Variants in PCDH17 observed in about 807,000 individuals in gnomAD.
The protein encoded by PCDH17 is protocadherin 17.
Under a neutral mutation model 67.7 loss-of-function variants are expected in PCDH17, and 21 were observed. The observed-to-expected ratio is 0.31, with a 90% CI of 0.22 to 0.45. PCDH17 has a LOEUF of 0.45. Ranked by LOEUF, PCDH17 falls within the 20% of genes least tolerant of loss-of-function variation. The probability of loss-of-function intolerance (pLI) is 1.00; values close to 1 mark genes in which losing one functional copy is unlikely to be tolerated. For missense variants in PCDH17, 1,471 were observed against 1,564.8 expected, an observed-to-expected ratio of 0.94 and a Z score of 1.01; for synonymous variants, 701 against 656.7, an observed-to-expected ratio of 1.07 and a Z score of -1.03.
chr13:57,723,612 G>A (rs1416241676), intron 3 of PCDH17, among the ~76,000 whole-genome samples: 1 of 152,038 alleles, frequency 6.6e-6, no homozygotes, highest in Non-Finnish European at 1.5e-5. Context: ...AAAAGTAAAA[G>A]TCTCTGATTT....
intron 3 of PCDH17, among the ~76,000 whole-genome samples, chr13:57,669,087 G>A (rs1224510939): frequency 3.3e-5 from 5 of 151,784 alleles, no homozygotes; most frequent in Admixed American, 2.0e-4. Context: ...GAGAACATGC[G>A]GTGTTTGGTT....
intron 1 of PCDH17, among the ~76,000 whole-genome samples, chr13:57,641,578 AAAAAAAAAAATATATATATATATATATAT>A (rs1212424312): frequency 2.4e-5 from 2 of 84,830 alleles, no homozygotes; most frequent in African/African-American, 5.0e-5. Context: ...AAAAAAAAAA[AAAAAAAAAAATATATATATATATATATAT>A]ATATATATAT....
At chr13:57,718,590 A>G (rs567065588) in intron 3 of PCDH17, among the ~76,000 whole-genome samples, 34 of 152,160 alleles carry the variant, frequency 2.2e-4, no homozygotes, top group African/African-American at 8.2e-4. Flanking sequence ...CAGAAAAGAA[A>G]GTAAGTCAAT....
At chr13:57,644,498 A>C (rs1159636198) in intron 1 of PCDH17, among the ~76,000 whole-genome samples, 1 of 151,426 alleles carries the variant, frequency 6.6e-6, no homozygotes, top group Admixed American at 6.6e-5. Context: ...TCAAAACTCA[A>C]TTTGTTACCA....
chr13:57,643,473 C>T (rs537622245), intron 1 of PCDH17, among the ~76,000 whole-genome samples: 3 of 151,462 alleles, frequency 2.0e-5, no homozygotes, highest in Admixed American at 6.6e-5. Flanking sequence ...GTTCTGTCAG[C>T]AAAACAAAAA....
chr13:57,667,801 G>A (rs893523603), intron 3 of PCDH17, among the ~76,000 whole-genome samples: 5 of 149,996 alleles, frequency 3.3e-5, no homozygotes, highest in Non-Finnish European at 5.9e-5. Context: ...ACAGTGTTAA[G>A]TTTTCTAGTC....
At chr13:57,699,127 G>A (rs956599511) in intron 3 of PCDH17, among the ~76,000 whole-genome samples, 1 of 151,794 alleles carries the variant, frequency 6.6e-6, no homozygotes, top group Non-Finnish European at 1.5e-5. Flanking sequence ...CATCTCGATG[G>A]TTTCAGCTTG....
chr13:57,708,969 C>G (rs1955747986), intron 3 of PCDH17, among the ~76,000 whole-genome samples: 1 of 151,444 alleles, frequency 6.6e-6, no homozygotes, highest in Non-Finnish European at 1.5e-5. Context: ...CATAATATAT[C>G]TAAGTTAGAG....
chr13:57,641,468 A>T (rs1442531536), intron 1 of PCDH17, among the ~76,000 whole-genome samples: 2 of 148,246 alleles, frequency 1.3e-5, no homozygotes, highest in Non-Finnish European at 3.0e-5. Flanking sequence ...TAGATGAAAA[A>T]TTGTGGCTCT....
intron 3 of PCDH17, among the ~76,000 whole-genome samples, chr13:57,701,234 C>T (rs1366423615): frequency 6.6e-6 from 1 of 152,076 alleles, no homozygotes; most frequent in African/African-American, 2.4e-5. Flanking sequence ...GTTTATCAAA[C>T]TACATTGTCA....
At chr13:57,692,077 G>A (rs1218861618) in intron 3 of PCDH17, among the ~76,000 whole-genome samples, 2 of 151,088 alleles carry the variant, frequency 1.3e-5, no homozygotes, top group African/African-American at 4.8e-5. Flanking sequence ...ACTCGATAAT[G>A]TTTCATGGGG....
rs181704062 is a variant in PCDH17, at chr13:57,670,086, G to C, written c.2797+3253G>C. 5.7e-4 allele frequency among the ~76,000 whole-genome samples: 86 copies of C among 151,986 alleles called. 1 individual carries two copies. The highest frequency in any genetic ancestry group is 2.0e-3 in the African/African-American group (83 of 41,494). On this transcript the variant is annotated intron_variant, in intron 3 of 3. Coordinates refer to ENST00000377918, the MANE Select transcript of PCDH17 (RefSeq NM_001040429.3). ...TATTCTGTAGTTATAAGTAGTGAAG[G>C]CAGTATAGAAATTTAAAAAATACAT...
At position 57,634,284 on chromosome 13, in the gene PCDH17, G is replaced by T; in HGVS notation, c.1738G>T (p.Ala580Ser). 3 of 1,613,150 alleles carry T rather than the reference G, an allele frequency of 1.9e-6. No homozygotes were observed. Among genetic ancestry groups the T allele is most frequent in the Non-Finnish European group, 2.5e-6 (3 of 1,180,012 alleles). ...GACAGTGCTAGACGTGAATGACAACGCGCCAGTGATCGTGCTCCCCACGCT... is the reference window on the plus strand; with the variant it reads ...GACAGTGCTAGACGTGAATGACAACTCGCCAGTGATCGTGCTCCCCACGCT... ...RVTVLDVNDNAPVIVLPTLQN... is the reference protein window; with the variant it reads ...RVTVLDVNDNSPVIVLPTLQN... Residue 580 changes from alanine (A) to serine (S), a missense_variant, in exon 1 of 4, where the codon GCG becomes TCG. Ala to Ser is a moderately conservative substitution (Grantham distance 99). This residue lies in a region of PCDH17 where 1,163 missense variants were observed against 1,230.0 expected (regional missense o/e 0.95). Coordinates refer to ENST00000377918, the MANE Select transcript of PCDH17 (RefSeq NM_001040429.3). This position sits in a 1 kb window ranked among gnomAD's most constrained non-coding sequence, Gnocchi z 7.8.
chr13:57,642,474 C>T (rs1954917666), intron 1 of PCDH17, among the ~76,000 whole-genome samples: 1 of 151,604 alleles, frequency 6.6e-6, no homozygotes, highest in Admixed American at 6.6e-5. Context: ...ATTTTCATAG[C>T]ATCTATGCTT....
chr13:57,653,687 G>A (rs1444020800), intron 1 of PCDH17, among the ~76,000 whole-genome samples: 1 of 152,110 alleles, frequency 6.6e-6, no homozygotes, highest in Non-Finnish European at 1.5e-5. Flanking sequence ...ATACAAAGGA[G>A]TAAGTTCTGG....
In PCDH17 at chr13:57,633,953, G is replaced by C. The variant is rs770777439; in HGVS notation, c.1407G>C (p.Pro469=). The change falls in exon 1 of 4, where the codon CCG becomes CCC. Residue 469 remains proline, a synonymous_variant. Coordinates refer to ENST00000377918, the MANE Select transcript of PCDH17 (RefSeq NM_001040429.3). The surrounding 1 kb of genome is among the most constrained non-coding windows in gnomAD (Gnocchi z 6.2). ...AIKILDENDN[P]PRFTKGLYVL... ...AGATTCTAGACGAGAACGACAACCC[G>C]CCTCGGTTCACCAAAGGGCTCTACG... 1.9e-6 allele frequency: 3 copies of C among 1,613,472 alleles called. No individual in the cohort carries two copies. The South Asian group carries it at 3.3e-5, about 18-fold the overall frequency.
intron 3 of PCDH17, among the ~76,000 whole-genome samples, chr13:57,691,039 T>C (rs1325728596): frequency 2.0e-5 from 3 of 151,458 alleles, no homozygotes; most frequent in African/African-American, 7.2e-5. Flanking sequence ...GTCAGCAATA[T>C]GTATATTTTT....
intron 3 of PCDH17, among the ~76,000 whole-genome samples, chr13:57,723,837 A>G (rs1955891130): frequency 6.6e-6 from 1 of 152,170 alleles, no homozygotes; most frequent in African/African-American, 2.4e-5. Context: ...TGGCAAAGGA[A>G]AAAAGTAAAA....
At chr13:57,680,553 A>G (rs1955438857) in intron 3 of PCDH17, among the ~76,000 whole-genome samples, 1 of 151,540 alleles carries the variant, frequency 6.6e-6, no homozygotes, top group African/African-American at 2.4e-5. Context: ...CAGTGTGGTT[A>G]CCTAGTCAGG....
Sources: allele counts gnomAD v4.1 joint callset (sites outside exome capture counted in the v4.1 genomes callset), GRCh38; gene constraint gnomAD v4.1.1; regional missense constraint gnomAD v4.1.1; non-coding constraint Gnocchi (gnomAD v3.1); transcripts MANE v1.5; gene names NCBI Gene and HGNC (gene_info 2026-07-23, HGNC 2026-07-21).